The following MAN1A1 variants were observed in gnomAD, a reference collection of about 807,000 sequenced individuals.
The protein encoded by MAN1A1 is mannosidase alpha class 1A member 1, also known as mannosyl-oligosaccharide 1,2-alpha-mannosidase IA.
In MAN1A1, 29 loss-of-function variants were observed where a neutral mutation model predicts 70.8. That is an observed-to-expected ratio of 0.41 (90% CI 0.31 to 0.56). The LOEUF (loss-of-function observed/expected upper bound fraction) is 0.56. Among genes scored for constraint, MAN1A1 ranks in the 20% least tolerant of loss-of-function variants. MAN1A1 has a pLI of 0.29. For missense variants in MAN1A1, 747 were observed against 841.3 expected (o/e 0.89, Z 1.39); for synonymous variants, 349 against 330.1 (o/e 1.06, Z -0.62).
At chr6:119,263,680 C>T (rs1271489852) in intron 5 of MAN1A1, among the ~76,000 whole-genome samples, 2 of 152,002 alleles carry the variant, frequency 1.3e-5, no homozygotes, top group Non-Finnish European at 2.9e-5. Flanking sequence ...ATAAAGGTAA[C>T]TCAATTATGC....
At chr6:119,210,057 C>T (rs1215864283) in intron 6 of MAN1A1, among the ~76,000 whole-genome samples, 1 of 152,144 alleles carries the variant, frequency 6.6e-6, no homozygotes, top group Non-Finnish European at 1.5e-5. Flanking sequence ...AGAGCTGAAA[C>T]CGAAGATGTA....
At chr6:119,310,226 T>A (rs764003134) in intron 2 of MAN1A1, among the ~76,000 whole-genome samples, 1 of 152,264 alleles carries the variant, frequency 6.6e-6, no homozygotes, top group Non-Finnish European at 1.5e-5. Context: ...TGCATATTTA[T>A]TGCTAGAACT....
chr6:119,349,382 C>T, intron 1 of MAN1A1, 95 bp from the exon 2 acceptor site: 1 of 981,358 alleles, frequency 1.0e-6, no homozygotes, highest in Non-Finnish European at 1.2e-6. Flanking sequence ...CCTCCAGGAC[C>T]GCTCCCCTTA....
chr6:119,258,545 T>A (rs911796105), intron 5 of MAN1A1, among the ~76,000 whole-genome samples: 1 of 152,154 alleles, frequency 6.6e-6, no homozygotes, highest in Non-Finnish European at 1.5e-5. Context: ...CCATTTTATA[T>A]AAGGTACTTG....
chr6:119,195,526 C>T (rs1380529396), intron 8 of MAN1A1, among the ~76,000 whole-genome samples: 1 of 152,164 alleles, frequency 6.6e-6, no homozygotes, highest in Non-Finnish European at 1.5e-5. Context: ...CTTTGTCACA[C>T]ACTTTTTGGT....
intron 11 of MAN1A1, among the ~76,000 whole-genome samples, chr6:119,181,660 T>C (rs1346853129): frequency 3.3e-5 from 5 of 152,200 alleles, no homozygotes; most frequent in African/African-American, 1.2e-4. Flanking sequence ...AGATGGCTGC[T>C]GTTTGTGTTT....
chr6:119,193,997 T>C (rs1006209637), intron 8 of MAN1A1, 105 bp from the exon 9 acceptor site: 23 of 629,768 alleles, frequency 3.7e-5, no homozygotes, highest in Middle Eastern at 2.5e-4. Context: ...CAACTGCAAG[T>C]CACTGTTACA....
chr6:119,283,298 C>T (rs941986133), intron 5 of MAN1A1, among the ~76,000 whole-genome samples: 13 of 152,072 alleles, frequency 8.5e-5, no homozygotes, highest in African/African-American at 3.1e-4. Context: ...TTTTCTGTTG[C>T]AGTTTTAAAA....
chr6:119,289,506 G>T (rs902154063), intron 5 of MAN1A1, among the ~76,000 whole-genome samples: 4 of 145,022 alleles, frequency 2.8e-5, no homozygotes, highest in African/African-American at 1.1e-4. Flanking sequence ...CTGAACACAT[G>T]AAGTTATCTG....
chr6:119,302,339 T>C (rs1235318218), intron 3 of MAN1A1, among the ~76,000 whole-genome samples: 1 of 152,046 alleles, frequency 6.6e-6, no homozygotes, highest in Non-Finnish European at 1.5e-5. Context: ...AAAATAAATG[T>C]CTCAGAAACT....
intron 5 of MAN1A1, among the ~76,000 whole-genome samples, chr6:119,261,458 T>C (rs1203918624): frequency 6.6e-6 from 1 of 152,212 alleles, no homozygotes; most frequent in Non-Finnish European, 1.5e-5. Context: ...CACAAACACT[T>C]GGGATACGTA....
chr6:119,319,381 A>ATC (rs1562240854), intron 2 of MAN1A1, among the ~76,000 whole-genome samples: 14 of 145,312 alleles, frequency 9.6e-5, no homozygotes, highest in African/African-American at 2.9e-4. Context: ...TAATAATAAT[A>ATC]ATAATAATAA....
At chr6:119,180,519 A>ATT (rs68020138) in intron 11 of MAN1A1, 92 bp from the exon 12 acceptor site, 858 of 569,368 alleles carry the variant, frequency 1.5e-3, no homozygotes, top group East Asian at 4.2e-3. Flanking sequence ...CAGATAAAAC[A>ATT]TTTTTTTTTT....
At chr6:119,278,283 T>C (rs1258213820) in intron 5 of MAN1A1, among the ~76,000 whole-genome samples, 1 of 152,232 alleles carries the variant, frequency 6.6e-6, no homozygotes, top group East Asian at 1.9e-4. Flanking sequence ...CAGGTATAGA[T>C]GCATTAAAAT....
intron 2 of MAN1A1, among the ~76,000 whole-genome samples, chr6:119,317,922 T>C (rs1434118810): frequency 6.6e-6 from 1 of 152,152 alleles, no homozygotes; most frequent in Non-Finnish European, 1.5e-5. Flanking sequence ...GTAACTGTCC[T>C]TAAAATTGTC....
At chr6:119,299,389 T>G (rs1041010047) in intron 4 of MAN1A1, among the ~76,000 whole-genome samples, 46 of 147,636 alleles carry the variant, frequency 3.1e-4, no homozygotes, top group African/African-American at 1.1e-3. Flanking sequence ...CCTCTTATAT[T>G]AAGAAAATAG....
At chr6:119,326,707 A>G (rs1773155928) in intron 2 of MAN1A1, among the ~76,000 whole-genome samples, 2 of 152,178 alleles carry the variant, frequency 1.3e-5, no homozygotes, top group African/African-American at 4.8e-5. Flanking sequence ...AGAGCCCCTT[A>G]TAAAACCATC....
At chr6:119,296,449 T>A (rs1165318665) in intron 4 of MAN1A1, among the ~76,000 whole-genome samples, 1 of 152,120 alleles carries the variant, frequency 6.6e-6, no homozygotes, top group Non-Finnish European at 1.5e-5. Flanking sequence ...GATAATTAAC[T>A]TAGTTATCTG....
chr6:119,253,007 C>T (rs1337263420), intron 5 of MAN1A1, among the ~76,000 whole-genome samples: 1 of 151,886 alleles, frequency 6.6e-6, no homozygotes, highest in Non-Finnish European at 1.5e-5. Flanking sequence ...AAAAAACTGG[C>T]TAAGTGGGTG....
Sources: gnomAD v4.1 joint callset for allele counts (sites outside exome capture counted in the v4.1 genomes callset) on GRCh38, gnomAD v4.1.1 for gene constraint, MANE v1.5 for transcripts, NCBI Gene and HGNC (gene_info 2026-07-23, HGNC 2026-07-21) for gene names.